Variants in SORCS3 observed in about 807,000 individuals in gnomAD.
SORCS3 encodes the protein VPS10 domain-containing receptor SorCS3.
Under a neutral mutation model 146.3 loss-of-function variants are expected in SORCS3, and 57 were observed. The ratio of observed to expected loss-of-function variants is 0.39; its 90% confidence interval spans 0.31 to 0.49. The LOEUF is 0.49. Ranked by LOEUF, SORCS3 falls within the 20% of genes least tolerant of loss-of-function variation. SORCS3 has a pLI of 0.92. For missense variants in SORCS3, 1,341 were observed against 1,575.5 expected, an observed-to-expected ratio of 0.85 and a Z score of 2.52; for synonymous variants, 653 against 618.5, an observed-to-expected ratio of 1.06 and a Z score of -0.83.
chr10:104,735,029 AT>A (rs1164492077), intron 1 of SORCS3, among the ~76,000 whole-genome samples: 4 of 152,172 alleles, frequency 2.6e-5, no homozygotes, highest in Admixed American at 2.6e-4. Flanking sequence ...CTACCCTTTA[AT>A]GTATTTGGTT....
chr10:104,964,595 G>GT (rs2054816038), intron 3 of SORCS3, among the ~76,000 whole-genome samples: 1 of 152,290 alleles, frequency 6.6e-6, no homozygotes, highest in East Asian at 1.9e-4. Flanking sequence ...TAAGGCCTCA[G>GT]TCAATAGGTT....
At chr10:104,844,211 G>A (rs149985801) in intron 2 of SORCS3, among the ~76,000 whole-genome samples, 1 of 152,254 alleles carries the variant, frequency 6.6e-6, no homozygotes, top group African/African-American at 2.4e-5. Flanking sequence ...ACAAATGAAA[G>A]CATGACTATT....
chr10:104,810,658 A>G lies in SORCS3; in HGVS notation c.628-32134A>G, dbSNP rs2017729939. Among the ~76,000 whole-genome samples the G allele has an allele frequency of 2.0e-5, 3 of 152,196 alleles. No homozygotes were observed. In the South Asian group the frequency reaches 6.2e-4, roughly 32 times the overall value. On this transcript the variant is annotated intron_variant, in intron 1 of 26. Transcript: ENST00000369701. ...TATTTCTGCTGTACATAGTCTTAGA[A>G]GTGGAAATACTGGGCCAGAGGGTAT...
In SORCS3 at chr10:104,857,547, C is replaced by T. The variant is rs138639872; in HGVS notation, c.695+14688C>T. ...TCATCTGCCAGCCCCTGTAGAATGT[C>T]CAATGATCTGATGTTCAATGCATCC... On this transcript the variant is annotated intron_variant, in intron 2 of 26. Transcript: ENST00000369701. 3.9e-3 allele frequency among the ~76,000 whole-genome samples: 587 copies of T among 152,210 alleles called. 3 individuals carry two copies. Among genetic ancestry groups the T allele is most frequent in the African/African-American group, 0.013 (548 of 41,542 alleles).
At chr10:105,010,111 C>T (rs1384857737) in intron 4 of SORCS3, among the ~76,000 whole-genome samples, 1 of 152,154 alleles carries the variant, frequency 6.6e-6, no homozygotes, top group Non-Finnish European at 1.5e-5. Flanking sequence ...GGCTCAAGTG[C>T]ACCTCTGCTC....
chr10:104,973,164 G>A (rs1009449014), intron 3 of SORCS3, among the ~76,000 whole-genome samples: 11 of 152,128 alleles, frequency 7.2e-5, no homozygotes, highest in African/African-American at 2.4e-4. Context: ...CTCTTTTTTG[G>A]TTGTGTCTCT....
At chr10:105,223,980 A>G (rs1195531837) in intron 20 of SORCS3, among the ~76,000 whole-genome samples, 2 of 152,176 alleles carry the variant, frequency 1.3e-5, no homozygotes, top group African/African-American at 4.8e-5. Flanking sequence ...TGGTACAGAG[A>G]TTTTCCATAT....
At chr10:105,253,202 C>CAGAGAG (rs34171763) in intron 23 of SORCS3, among the ~76,000 whole-genome samples, 1 of 149,892 alleles carries the variant, frequency 6.7e-6, no homozygotes, top group South Asian at 2.1e-4. Flanking sequence ...AGGGGAGCAG[C>CAGAGAG]AGAGAGAGAG....
At chr10:104,729,250 A>G (rs935075828) in intron 1 of SORCS3, among the ~76,000 whole-genome samples, 7 of 152,228 alleles carry the variant, frequency 4.6e-5, no homozygotes, top group African/African-American at 7.2e-5. Flanking sequence ...GTACACGTGT[A>G]TATCCTACTT....
intron 4 of SORCS3, among the ~76,000 whole-genome samples, chr10:105,034,660 A>T (rs544516430): frequency 5.9e-5 from 9 of 152,198 alleles, no homozygotes; most frequent in Admixed American, 1.3e-4. Flanking sequence ...TGGGAAACAG[A>T]AGGTTTGATC....
intron 18 of SORCS3, among the ~76,000 whole-genome samples, chr10:105,215,738 T>G (rs1030068520): frequency 6.6e-6 from 1 of 152,056 alleles, no homozygotes; most frequent in Non-Finnish European, 1.5e-5. Flanking sequence ...GGCAAGAGAG[T>G]ACCTATCAAT....
intron 4 of SORCS3, among the ~76,000 whole-genome samples, chr10:105,018,763 T>C (rs1001667819): frequency 1.5e-4 from 23 of 152,210 alleles, no homozygotes; most frequent in Admixed American, 2.6e-4. Context: ...AATTCTCCCT[T>C]GACTAATTAT....
At chr10:104,852,799 G>A (rs1399279312) in intron 2 of SORCS3, among the ~76,000 whole-genome samples, 1 of 152,144 alleles carries the variant, frequency 6.6e-6, no homozygotes, top group Non-Finnish European at 1.5e-5. Context: ...GTTAATAATT[G>A]GAATGTGCTC....
intron 13 of SORCS3, among the ~76,000 whole-genome samples, chr10:105,174,933 A>T (rs957252918): frequency 1.3e-5 from 2 of 152,214 alleles, no homozygotes; most frequent in Middle Eastern, 3.4e-3. Flanking sequence ...CATTGTATAA[A>T]CTAAAGATGG....
At chr10:104,897,360 G>A (rs759104937) in intron 2 of SORCS3, among the ~76,000 whole-genome samples, 8 of 152,144 alleles carry the variant, frequency 5.3e-5, no homozygotes, top group South Asian at 2.1e-4. Context: ...CCAAAGGAAC[G>A]AATATTTAAA....
At chr10:104,989,189 G>A (rs2054979838) in intron 4 of SORCS3, among the ~76,000 whole-genome samples, 1 of 152,222 alleles carries the variant, frequency 6.6e-6, no homozygotes, top group Non-Finnish European at 1.5e-5. Flanking sequence ...TAATTAAACG[G>A]AGTTTGTGCA....
At chr10:105,257,609 G>A (rs2056939038) in intron 25 of SORCS3, among the ~76,000 whole-genome samples, 1 of 152,164 alleles carries the variant, frequency 6.6e-6, no homozygotes, top group African/African-American at 2.4e-5. Context: ...CTAATTAAGA[G>A]TATAAACTCT....
intron 1 of SORCS3, among the ~76,000 whole-genome samples, chr10:104,742,829 G>A (rs1438693281): frequency 1.3e-5 from 2 of 152,150 alleles, no homozygotes; most frequent in Admixed American, 1.3e-4. Context: ...TGTTCCATTG[G>A]TTGGAACTGC....
intron 1 of SORCS3, among the ~76,000 whole-genome samples, chr10:104,807,861 A>G (rs2017696571): frequency 6.6e-6 from 1 of 152,228 alleles, no homozygotes; most frequent in African/African-American, 2.4e-5. Context: ...TTTACTTTCA[A>G]ATCTGGTTTT....
Sources: gnomAD v4.1 joint callset for allele counts (sites outside exome capture counted in the v4.1 genomes callset) on GRCh38, gnomAD v4.1.1 for gene constraint, MANE v1.5 for transcripts, NCBI Gene and HGNC (gene_info 2026-07-23, HGNC 2026-07-21) for gene names.